ETNPPL: variants seen among roughly 807,000 people sequenced by gnomAD.
ETNPPL encodes alanine--glyoxylate aminotransferase 2-like 1.
A neutral mutation model predicts 55.5 loss-of-function variants in ETNPPL; 30 were observed. The ratio of observed to expected loss-of-function variants is 0.54; its 90% confidence interval spans 0.40 to 0.73. ETNPPL has a LOEUF of 0.73. Ranked by LOEUF, ETNPPL falls within the 30% of genes least tolerant of loss-of-function variation. The pLI, the probability that ETNPPL is intolerant of heterozygous loss-of-function variation, is 0.00. For missense variants in ETNPPL, 528 were observed against 607.9 expected, an observed-to-expected ratio of 0.87 and a Z score of 1.38; for synonymous variants, 202 against 207.2, an observed-to-expected ratio of 0.98 and a Z score of 0.21.
At chr4:108,753,973 C>CTTTTTTTTTTTTTTT (rs1213568977) in intron 5 of ETNPPL, among the ~76,000 whole-genome samples, 4 of 122,786 alleles carry the variant, frequency 3.3e-5, no homozygotes, top group African/African-American at 1.3e-4. Context: ...TTTTTCTTTT[C>CTTTTTTTTTTTTTTT]TTTTTTTTTT....
intron 11 of ETNPPL, among the ~76,000 whole-genome samples, chr4:108,744,715 ATT>A (rs530380404): frequency 0.048 from 5,762 of 120,994 alleles, 400 homozygotes; most frequent in East Asian, 0.41. Flanking sequence ...AGAAGTTGAA[ATT>A]TTTTTTTTTT....
rs748421646 is a variant in ETNPPL at position 108,750,972 on chromosome 4, A to G, written c.665T>C (p.Ile222Thr). 1 of 1,613,542 alleles carries G rather than the reference A, an allele frequency of 6.2e-7. No individual in the cohort carries two copies. Among genetic ancestry groups the G allele is most frequent in the Non-Finnish European group, 8.5e-7 (1 of 1,179,614 alleles). Residue 222 changes from isoleucine (I) to threonine (T), a missense_variant, in exon 7 of 13, where the codon ATA (isoleucine) becomes ACA (threonine). Ile to Thr is a moderately conservative substitution (Grantham distance 89, BLOSUM62 -1). Transcript: ENST00000296486. ...AESMQSCGGQ[I>T]IPPAGYFQKV... ...CTGGAAGTAGCCTGCTGGAGGAATT[A>G]TTTGTCCGCCACAACTCTGCATGGA...
At chr4:108,758,018 T>C (rs1375529126) in intron 3 of ETNPPL, among the ~76,000 whole-genome samples, 2 of 149,048 alleles carry the variant, frequency 1.3e-5, no homozygotes, top group Non-Finnish European at 3.0e-5. Context: ...TTTTTTTTTT[T>C]TTTTTTTGAC....
chr4:108,748,041 T>C lies in ETNPPL; in HGVS notation c.1046A>G (p.Lys349Arg). 2 of 1,611,562 alleles carry C rather than the reference T, an allele frequency of 1.2e-6. No individual in the cohort carries two copies. Among genetic ancestry groups the C allele is most frequent in the Non-Finnish European group, 1.7e-6 (2 of 1,179,168 alleles). ...TATCAAAGTGTGTTTAGCCTTCTGT[T>C]TTTTCAGTAACTCAGTGAGATAATT... ...VGNYLTELLKKQKAKHTLIGD... is the reference protein window; with the variant it reads ...VGNYLTELLKRQKAKHTLIGD... Residue 349 changes from lysine to arginine, a missense_variant, in exon 9 of 13, where the codon AAA (lysine) becomes AGA (arginine). By Grantham distance (26) the Lys-to-Arg change is conservative. Transcript: ENST00000296486.
At chr4:108,753,800 G>GAAAGAAAGAAAGAAAGAAAGA (rs374263477) in intron 5 of ETNPPL, among the ~76,000 whole-genome samples, 57 of 109,042 alleles carry the variant, frequency 5.2e-4, no homozygotes, top group African/African-American at 8.4e-4. Flanking sequence ...AAGAAAGAAA[G>GAAAGAAAGAAAGAAAGAAAGA]AAAGAAAAGA....
In ETNPPL at chr4:108,742,114, T is replaced by C. The variant is rs1728246037; in HGVS notation, c.*370A>G. 1 of 161,644 alleles carries C rather than the reference T, an allele frequency of 6.2e-6. No individual in the cohort carries two copies. The highest frequency in any genetic ancestry group is 2.4e-5 in the African/African-American group (1 of 41,862). The allele number at this position is 161,644 out of a possible 1,614,324, so 10.0% of individuals were successfully genotyped here. On this transcript the variant is annotated 3_prime_UTR_variant, in exon 13 of 13. Coordinates refer to ENST00000296486, the MANE Select transcript of ETNPPL (RefSeq NM_031279.4). Reference sequence around the variant, plus strand: ...TTTTATATATGAAATCATTATAGAATACATATTTTAAGGCACTAAGTCTCA... The same window carrying C: ...TTTTATATATGAAATCATTATAGAACACATATTTTAAGGCACTAAGTCTCA...
intron 1 of ETNPPL, among the ~76,000 whole-genome samples, chr4:108,761,766 C>T (rs28473116): frequency 0.026 from 4,032 of 152,258 alleles, 166 homozygotes; most frequent in African/African-American, 0.091. Context: ...TTATTTTGAT[C>T]CCACTTAGCG....
chr4:108,747,878 G>C lies in ETNPPL; in HGVS notation c.1082+127C>G. 2.8e-6 allele frequency: 2 copies of C among 706,904 alleles called. 1 individual carries two copies. Among genetic ancestry groups the C allele is most frequent in the South Asian group, 3.8e-5 (2 of 52,622 alleles). The allele number at this position is 706,904 out of a possible 1,614,324, so 43.8% of individuals were successfully genotyped here. On this transcript the variant is annotated intron_variant, in intron 9 of 12. Coordinates refer to ENST00000296486, the MANE Select transcript of ETNPPL (RefSeq NM_031279.4). ...CGAGTAGCTGGGACTATTTGTGTGTGCCACCACACCTGGCTAATTTTTTGT... is the reference window on the plus strand; with the variant it reads ...CGAGTAGCTGGGACTATTTGTGTGTCCCACCACACCTGGCTAATTTTTTGT...
chr4:108,749,046 A>G (rs1728760700), intron 8 of ETNPPL, among the ~76,000 whole-genome samples, 192 bp downstream of exon 8: 1 of 152,158 alleles, frequency 6.6e-6, no homozygotes, highest in Admixed American at 6.5e-5. Flanking sequence ...CATGTATCCC[A>G]GAACTTAAAG....
chr4:108,754,762 AT>A, intron 4 of ETNPPL, 52 bp from the exon 5 acceptor site: 2 of 1,058,544 alleles, frequency 1.9e-6, no homozygotes, highest in Admixed American at 1.9e-5. Context: ...CAAGAGAGAT[AT>A]TTTCAAGTAT....
At chr4:108,756,629 A>G in intron 3 of ETNPPL, 137 bp from the exon 4 acceptor site, 2 of 651,086 alleles carry the variant, frequency 3.1e-6, no homozygotes, top group Non-Finnish European at 5.5e-6. Flanking sequence ...CTGAGCTCAG[A>G]AGTTAGAGAC....
chr4:108,759,655 A>G, intron 3 of ETNPPL, 94 bp downstream of exon 3: 5 of 1,320,454 alleles, frequency 3.8e-6, no homozygotes, highest in Non-Finnish European at 5.3e-6. Flanking sequence ...ACCCTTTTGG[A>G]CAAGCTCCAC....
Position 108,754,671 on chromosome 4 carries a change from G to T in ETNPPL, c.450C>A (p.Ser150Arg). Residue 150 changes from serine to arginine, a missense_variant, in exon 5 of 13, where the codon AGC becomes AGA. By Grantham distance (110) the Ser-to-Arg change is moderately radical. Transcript: ENST00000296486. ...HGHLSSLIEI[S>R]PYKFQKGKDV... ...CTTTTCCTTTCTGAAACTTATATGG[G>T]CTAATCTCAATTAAGGATGATAGGT... 6.2e-7 allele frequency: 1 copy of T among 1,600,190 alleles called. No individual in the cohort carries two copies. The highest frequency in any genetic ancestry group is 8.6e-7 in the Non-Finnish European group (1 of 1,169,008).
intron 2 of ETNPPL, 47 bp from the exon 3 acceptor site, chr4:108,759,955 G>T: frequency 6.4e-7 from 1 of 1,568,036 alleles, no homozygotes. Context: ...AGAATTCTAA[G>T]TGCCTGGGAA....
chr4:108,757,717 T>G (rs1318257551), intron 3 of ETNPPL, among the ~76,000 whole-genome samples: 1 of 152,082 alleles, frequency 6.6e-6, no homozygotes, highest in Non-Finnish European at 1.5e-5. Context: ...AGCGGGCAGA[T>G]TGCTTGAGCC....
chr4:108,760,059 C>G, intron 2 of ETNPPL, 129 bp downstream of exon 2: 1 of 1,059,770 alleles, frequency 9.4e-7, no homozygotes, highest in Non-Finnish European at 1.4e-6. Context: ...ATTTTCCCCA[C>G]TAGGACTACT....
chr4:108,753,784 G>GA (rs1391097868), intron 5 of ETNPPL, among the ~76,000 whole-genome samples: 3 of 116,936 alleles, frequency 2.6e-5, no homozygotes, highest in Admixed American at 8.0e-5. Context: ...AAGAAAGAAA[G>GA]AAAGAAAGAA....
intron 9 of ETNPPL, among the ~76,000 whole-genome samples, chr4:108,747,437 C>A (rs192015737): frequency 2.7e-5 from 4 of 146,358 alleles, no homozygotes; most frequent in African/African-American, 5.0e-5. Context: ...AAGACATATA[C>A]CCAAATGTTT....
chr4:108,747,124 TTATATATATATATATATATATATAATATA>T (rs1728546407), intron 9 of ETNPPL, among the ~76,000 whole-genome samples: 12 of 45,016 alleles, frequency 2.7e-4, no homozygotes, highest in Non-Finnish European at 4.7e-4. Context: ...AATGTTAACA[TTATATATATATATATATATATATAATATA>T]TATATATATA....
Sources: allele counts gnomAD v4.1 joint callset (sites outside exome capture counted in the v4.1 genomes callset), GRCh38; gene constraint gnomAD v4.1.1; transcripts MANE v1.5; gene names NCBI Gene and HGNC (gene_info 2026-07-23, HGNC 2026-07-21).